The following DNER variants were observed in gnomAD, a reference collection of about 807,000 sequenced individuals.
The protein encoded by DNER is delta and Notch-like epidermal growth factor-related receptor.
Under a neutral mutation model 78.2 loss-of-function variants are expected in DNER, and 33 were observed. The observed-to-expected ratio is 0.42, with a 90% CI of 0.32 to 0.56. The LOEUF (loss-of-function observed/expected upper bound fraction) is 0.56, where lower values mean the gene tolerates loss of function less well. Ranked by LOEUF, DNER falls within the 20% of genes least tolerant of loss-of-function variation. The pLI, the probability that DNER is intolerant of heterozygous loss-of-function variation, is 0.11. For missense variants in DNER, 918 were observed against 975.3 expected (o/e 0.94, Z 0.78); for synonymous variants, 417 against 384.8 (o/e 1.08, Z -0.98).
intron 6 of DNER, among the ~76,000 whole-genome samples, chr2:229,481,516 T>C (rs370887714): frequency 6.6e-6 from 1 of 152,054 alleles, no homozygotes; most frequent in East Asian, 1.9e-4. Context: ...GGTATTGATA[T>C]ACATGTAATA....
chr2:229,490,064 G>A (rs750989489), intron 6 of DNER, among the ~76,000 whole-genome samples: 8 of 152,096 alleles, frequency 5.3e-5, no homozygotes, highest in East Asian at 1.9e-4. Flanking sequence ...AGGAGAAAGC[G>A]GAGGAAGTGG....
intron 4 of DNER, among the ~76,000 whole-genome samples, chr2:229,561,053 T>C (rs1279111117): frequency 6.6e-6 from 1 of 152,202 alleles, no homozygotes; most frequent in Non-Finnish European, 1.5e-5. Context: ...AGGTTACTTG[T>C]GGTTTGCTTG....
intron 9 of DNER, among the ~76,000 whole-genome samples, chr2:229,416,094 A>G (rs544125200): frequency 6.6e-5 from 10 of 152,208 alleles, no homozygotes; most frequent in Admixed American, 3.3e-4. Context: ...CTATTTCCAC[A>G]TGCTCCTTCT....
chr2:229,559,974 A>G (rs1696925159), intron 4 of DNER, among the ~76,000 whole-genome samples: 1 of 152,162 alleles, frequency 6.6e-6, no homozygotes, highest in African/African-American at 2.4e-5. Context: ...CCCTTTTAAA[A>G]CCAAGACTTT....
chr2:229,614,224 AAAAT>A (rs1459391224), intron 1 of DNER, among the ~76,000 whole-genome samples: 7 of 151,904 alleles, frequency 4.6e-5, no homozygotes, highest in African/African-American at 1.7e-4. Flanking sequence ...ATAAAAAATA[AAAAT>A]AAATAAATTC....
Position 229,546,980 on chromosome 2 carries a change from TG to T in DNER, c.959del (p.Ser320Ter), listed in dbSNP as rs1381855204. 6.2e-7 allele frequency: 1 copy of T among 1,614,186 alleles called. No homozygotes were observed. The highest frequency in any genetic ancestry group is 1.3e-5 in the African/African-American group (1 of 75,062). ...GESHANDLEC[S>X]GKGKCTTKPS... ...GCTTCGTGGTGCATTTTCCTTTTCC[TG>T]AACACTCCAAGTCATTTGCGTGACT... On this transcript the variant is annotated frameshift_variant, in exon 5 of 13. Transcript: ENST00000341772. LOFTEE classifies it high-confidence loss of function.
At chr2:229,509,101 T>C (rs1485170281) in intron 6 of DNER, among the ~76,000 whole-genome samples, 1 of 152,138 alleles carries the variant, frequency 6.6e-6, no homozygotes, top group Non-Finnish European at 1.5e-5. Flanking sequence ...AAAAATAGGC[T>C]ATGCGTGAAC....
chr2:229,499,377 A>G (rs1480961136), intron 6 of DNER, among the ~76,000 whole-genome samples: 1 of 150,184 alleles, frequency 6.7e-6, no homozygotes, highest in Non-Finnish European at 1.5e-5. Flanking sequence ...CCCAGGAAGC[A>G]GAGGTCACAG....
rs549525024 is a variant in DNER, at chr2:229,412,738, C to T, written c.1609+5370G>A. Among the ~76,000 whole-genome samples the T allele has an allele frequency of 5.9e-5, 9 of 152,190 alleles. No homozygotes were observed. The South Asian group carries it at 1.9e-3, about 32-fold the overall frequency. Reference sequence around the variant, plus strand: ...GACTTAGTGAGGGCAGAGAGGAGAACCCCGTCAGGAATGAAGTTGCAGAAG... The same window carrying T: ...GACTTAGTGAGGGCAGAGAGGAGAATCCCGTCAGGAATGAAGTTGCAGAAG... On this transcript the variant is annotated intron_variant, in intron 9 of 12. Transcript: ENST00000341772.
intron 8 of DNER, among the ~76,000 whole-genome samples, chr2:229,436,091 G>C (rs902631872): frequency 1.3e-5 from 2 of 151,864 alleles, no homozygotes; most frequent in African/African-American, 4.8e-5. Context: ...GTAGTTTTTC[G>C]ACCCTCATCC....
At chr2:229,493,359 GA>G (rs1695442034) in intron 6 of DNER, among the ~76,000 whole-genome samples, 1 of 152,160 alleles carries the variant, frequency 6.6e-6, no homozygotes, top group South Asian at 2.1e-4. Context: ...CTCCTTTGAG[GA>G]AGAATTATAT....
intron 11 of DNER, among the ~76,000 whole-genome samples, chr2:229,386,085 A>G (rs966270500): frequency 1.4e-4 from 22 of 152,248 alleles, no homozygotes; most frequent in African/African-American, 5.1e-4. Context: ...ACAAAGCTAC[A>G]GTAACCAAAA....
At chr2:229,398,236 C>T (rs1693192323) in intron 10 of DNER, among the ~76,000 whole-genome samples, 1 of 151,992 alleles carries the variant, frequency 6.6e-6, no homozygotes, top group East Asian at 1.9e-4. Context: ...TACTATATTA[C>T]AACTCCACAG....
intron 6 of DNER, among the ~76,000 whole-genome samples, chr2:229,511,463 T>C (rs1320899629): frequency 6.6e-6 from 1 of 152,164 alleles, no homozygotes; most frequent in African/African-American, 2.4e-5. Context: ...CACTGTCCAC[T>C]GCACTCTCCC....
chr2:229,512,673 T>C, intron 6 of DNER, 110 bp downstream of exon 6: 1 of 1,436,514 alleles, frequency 7.0e-7, no homozygotes, highest in Non-Finnish European at 9.5e-7. Flanking sequence ...AAGAACTTAC[T>C]CATGTAACCA....
chr2:229,699,508 C>T (rs28545672), intron 1 of DNER, among the ~76,000 whole-genome samples: 6 of 151,944 alleles, frequency 3.9e-5, no homozygotes, highest in African/African-American at 1.2e-4. Context: ...TGGGACTATA[C>T]GCATGCACTG....
chr2:229,683,167 G>A (rs1480224941), intron 1 of DNER, among the ~76,000 whole-genome samples: 1 of 152,154 alleles, frequency 6.6e-6, no homozygotes, highest in Non-Finnish European at 1.5e-5. Context: ...CCAGTTGGTG[G>A]TTTTTACACA....
intron 6 of DNER, among the ~76,000 whole-genome samples, chr2:229,486,906 C>T (rs926246834): frequency 2.0e-5 from 3 of 152,098 alleles, no homozygotes; most frequent in Admixed American, 6.6e-5. Context: ...GGGGGTGGGG[C>T]CTGGCAACTG....
chr2:229,658,495 G>A (rs1461906316), intron 1 of DNER, among the ~76,000 whole-genome samples: 1 of 152,178 alleles, frequency 6.6e-6, no homozygotes, highest in African/African-American at 2.4e-5. Context: ...ATCTTGGAAT[G>A]ATGCTTCCAA....
Sources: gnomAD v4.1 joint callset for allele counts (sites outside exome capture counted in the v4.1 genomes callset) on GRCh38, gnomAD v4.1.1 for gene constraint, MANE v1.5 for transcripts, NCBI Gene and HGNC (gene_info 2026-07-23, HGNC 2026-07-21) for gene names.